Variants in NIPA2 observed in about 807,000 individuals in gnomAD.
NIPA2 encodes NIPA magnesium transporter 2, also known as magnesium transporter NIPA2.
In NIPA2, 11 loss-of-function variants were observed where a neutral mutation model predicts 29.7. The observed-to-expected ratio is 0.37, with a 90% CI of 0.23 to 0.61. The LOEUF (loss-of-function observed/expected upper bound fraction) is 0.61, where lower values mean the gene tolerates loss of function less well. Among genes scored for constraint, NIPA2 ranks in the 20% least tolerant of loss-of-function variants. NIPA2 has a pLI of 0.66. For synonymous variants in NIPA2, 183 were observed against 161.9 expected, an observed-to-expected ratio of 1.13 and a Z score of -0.99; for missense variants, 426 against 437.9, an observed-to-expected ratio of 0.97 and a Z score of 0.24.
chr15:22,839,165 A>G (rs773692702), intron 1 of NIPA2: 3 of 151,828 alleles, frequency 2.0e-5, no homozygotes, highest in Non-Finnish European at 4.4e-5. Context: ...AAATAATTTC[A>G]TTTGTCTTGG....
intron 5 of NIPA2, among the ~76,000 whole-genome samples, chr15:22,855,577 C>T: frequency 6.6e-6 from 1 of 152,118 alleles, no homozygotes; most frequent in East Asian, 1.9e-4. Context: ...AGCTTACATT[C>T]TAGGTGGGAG....
chr15:22,844,553 CAA>C (rs5811283), intron 2 of NIPA2, among the ~76,000 whole-genome samples: 2 of 144,436 alleles, frequency 1.4e-5, no homozygotes, highest in South Asian at 2.2e-4. Context: ...GACTGTGACT[CAA>C]AAAAAAAAAG....
At chr15:22,859,902 G>C (rs1166164346) in intron 6 of NIPA2, among the ~76,000 whole-genome samples, 1 of 151,964 alleles carries the variant, frequency 6.6e-6, no homozygotes, top group African/African-American at 2.4e-5. Context: ...CTAGCTACAA[G>C]TTATTAAAAC....
intron 4 of NIPA2, 129 bp downstream of exon 4, chr15:22,851,999 A>G (rs539156023): frequency 1.6e-4 from 123 of 785,592 alleles, no homozygotes; most frequent in Non-Finnish European, 2.4e-4. Context: ...AGAGTTCTAA[A>G]TGTTTACAAA....
chr15:22,862,895 A>ATTT (rs2058716824), intron 7 of NIPA2, among the ~76,000 whole-genome samples: 1 of 103,430 alleles, frequency 9.7e-6, no homozygotes, highest in African/African-American at 4.0e-5. Context: ...GTTTGCCTTT[A>ATTT]TTCTTTTTTT....
chr15:22,850,818 G>C (rs894149989), intron 3 of NIPA2, among the ~76,000 whole-genome samples: 1 of 152,158 alleles, frequency 6.6e-6, no homozygotes, highest in African/African-American at 2.4e-5. Flanking sequence ...TTGGAACTCC[G>C]AAGTTAAATT....
rs2059153178 is a variant in NIPA2 at position 22,867,171 on chromosome 15, A to AAAGT, written c.*325_*328dup. 2.2e-6 allele frequency: 1 copy of AAAGT among 444,768 alleles called. No individual in the cohort carries two copies. Among genetic ancestry groups the AAAGT allele is most frequent in the Non-Finnish European group, 3.9e-6 (1 of 254,754 alleles). 27.6% of individuals were successfully genotyped at this position (444,768 alleles called of 1,614,324 possible). A position where few individuals can be genotyped will look rare whatever the true frequency, so the allele number is the denominator to read the frequency against. ...ATGCTTTATTTTTTCATTGGTGATG[A>AAAGT]AAGTCTGAAATGTGCATTTGTCATC... is the stretch of plus-strand genomic sequence containing the variant. On this transcript the variant is annotated 3_prime_UTR_variant, in exon 8 of 8. Transcript: ENST00000337451.
chr15:22,866,092 C>G, intron 7 of NIPA2, 121 bp from the exon 8 acceptor site: 1 of 787,128 alleles, frequency 1.3e-6, no homozygotes, highest in Non-Finnish European at 2.0e-6. Context: ...CAAAATAAAG[C>G]TGATTTTTAT....
chr15:22,855,733 C>T (rs539130650), intron 5 of NIPA2, among the ~76,000 whole-genome samples: 1 of 152,204 alleles, frequency 6.6e-6, no homozygotes, highest in Non-Finnish European at 1.5e-5. Flanking sequence ...CAGGGCCAGC[C>T]TCGCTGAAAG....
In NIPA2 at chr15:22,838,790, A is replaced by G. The variant is rs1185019600; in HGVS notation, c.-483A>G. Reference sequence around the variant, plus strand: ...AACGGCTTCAGCCCCGAATGCTCGCATCTCCCACTGGACGGCGACGAAGGC... The same window carrying G: ...AACGGCTTCAGCCCCGAATGCTCGCGTCTCCCACTGGACGGCGACGAAGGC... On this transcript the variant is annotated 5_prime_UTR_variant, in exon 1 of 8. Transcript: ENST00000337451. The G allele has an allele frequency of 6.5e-6, 1 of 152,716 alleles. No individual in the cohort carries two copies. The highest frequency in any genetic ancestry group is 1.5e-5 in the Non-Finnish European group (1 of 68,188). The allele number at this position is 152,716 out of a possible 1,614,324, so 9.5% of individuals were successfully genotyped here.
chr15:22,867,900 G>GAAT lies in NIPA2; in HGVS notation c.*1059_*1061dup, dbSNP rs1294207024. The GAAT allele has an allele frequency of 2.0e-5, 3 of 152,310 alleles. No homozygotes were observed. Among genetic ancestry groups the GAAT allele is most frequent in the Non-Finnish European group, 4.4e-5 (3 of 68,022 alleles). 9.4% of individuals were successfully genotyped at this position (152,310 alleles called of 1,614,324 possible). ...ACTGCAAACATATGCAGAAAAGGTAGAATAATAAAAAAGGTCTAATGAACT... is the reference window on the plus strand; with the variant it reads ...ACTGCAAACATATGCAGAAAAGGTAGAATAATAATAAAAAAGGTCTAATGAACT... On this transcript the variant is annotated 3_prime_UTR_variant, in exon 8 of 8. Coordinates refer to ENST00000337451, the MANE Select transcript of NIPA2 (RefSeq NM_030922.7).
intron 2 of NIPA2, among the ~76,000 whole-genome samples, chr15:22,840,307 T>G (rs950898382): frequency 2.7e-5 from 4 of 149,974 alleles, no homozygotes; most frequent in Non-Finnish European, 4.5e-5. Flanking sequence ...TTTTTGTTTT[T>G]TTTTTTTTGA....
At chr15:22,860,026 C>CTT (rs11315074) in intron 6 of NIPA2, among the ~76,000 whole-genome samples, 13 of 139,122 alleles carry the variant, frequency 9.3e-5, no homozygotes, top group Middle Eastern at 7.4e-3. Context: ...GATAGAGATT[C>CTT]TTTTTTTTTT....
chr15:22,867,334 A>T lies in NIPA2; in HGVS notation c.*487A>T, dbSNP rs2059168108. On this transcript the variant is annotated 3_prime_UTR_variant, in exon 8 of 8. Transcript: ENST00000337451. ...TGATGATGATTGGTTTTATTTTTGA[A>T]ATATTTATTAAGGGAAAACTAAGTT... 7.6e-6 allele frequency: 3 copies of T among 396,378 alleles called. No individual in the cohort carries two copies. The highest frequency in any genetic ancestry group is 1.3e-5 in the Non-Finnish European group (3 of 225,064). The allele number at this position is 396,378 out of a possible 1,614,324, so 24.6% of individuals were successfully genotyped here. A position where few individuals can be genotyped will look rare whatever the true frequency, so the allele number is the denominator to read the frequency against.
At chr15:22,843,485 G>C (rs944328772) in intron 2 of NIPA2, among the ~76,000 whole-genome samples, 5 of 148,498 alleles carry the variant, frequency 3.4e-5, no homozygotes, top group African/African-American at 1.2e-4. Flanking sequence ...CAGCCTGGGG[G>C]ACAGAGCGAG....
intron 7 of NIPA2, among the ~76,000 whole-genome samples, 174 bp downstream of exon 7, chr15:22,860,963 C>G (rs554293328): frequency 3.9e-5 from 6 of 152,286 alleles, no homozygotes; most frequent in African/African-American, 1.2e-4. Flanking sequence ...TTCTACTGTT[C>G]TTTAACTCTG....
intron 3 of NIPA2, among the ~76,000 whole-genome samples, chr15:22,850,020 T>C (rs950435759): frequency 1.3e-5 from 2 of 152,054 alleles, no homozygotes; most frequent in South Asian, 2.1e-4. Context: ...AAAGCAGATA[T>C]AGTAATACAA....
chr15:22,856,552 G>A (rs1049755196), intron 5 of NIPA2, among the ~76,000 whole-genome samples: 2 of 152,110 alleles, frequency 1.3e-5, no homozygotes, highest in Admixed American at 1.3e-4. Context: ...AAAGAAGAAA[G>A]AGTTTAACAA....
intron 2 of NIPA2, among the ~76,000 whole-genome samples, chr15:22,843,693 C>G (rs1483191741): frequency 6.6e-6 from 1 of 151,358 alleles, no homozygotes; most frequent in East Asian, 2.0e-4. Context: ...CCCTGTGGCC[C>G]AGGCTGGAGT....
Sources: allele counts gnomAD v4.1 joint callset (sites outside exome capture counted in the v4.1 genomes callset), GRCh38; gene constraint gnomAD v4.1.1; transcripts MANE v1.5; gene names NCBI Gene and HGNC (gene_info 2026-07-23, HGNC 2026-07-21).